CDC14C: variants seen among roughly 807,000 people sequenced by gnomAD.
CDC14C encodes dual specificity protein phosphatase CDC14C.
Under a neutral mutation model 26.9 loss-of-function variants are expected in CDC14C, and 19 were observed. The ratio of observed to expected loss-of-function variants is 0.71; its 90% CI spans 0.49 to 1.04. CDC14C has a LOEUF of 1.04. CDC14C is among the 50% of genes least tolerant of loss of function. CDC14C has a pLI of 0.00. For synonymous variants in CDC14C, 185 were observed against 180.1 expected (o/e 1.03, Z -0.22); for missense variants, 423 against 520.0 (o/e 0.81, Z 1.81).
In CDC14C at chr7:48,926,887, A is replaced by C. The variant is rs189560070; in HGVS notation, c.*871A>C. On this transcript the variant is annotated 3_prime_UTR_variant, in exon 1 of 1. Transcript: ENST00000650262. ...GTTGTAAATTTAGTCTCAGGTGTAA[A>C]TACCCAAGCCCTCTGGTACTCAGGG... Among the ~76,000 whole-genome samples the C allele has an allele frequency of 5.7e-3, 866 of 152,234 alleles. 8 individuals carry two copies. Among genetic ancestry groups the C allele is most frequent in the African/African-American group, 0.02 (828 of 41,518 alleles).
chr7:48,924,950 G>A lies in CDC14C; in HGVS notation c.278G>A (p.Gly93Asp), dbSNP rs1326740864. 5 of 1,472,230 alleles carry A rather than the reference G, an allele frequency of 3.4e-6. No individual in the cohort carries two copies. Among genetic ancestry groups the A allele is most frequent in the Non-Finnish European group, 4.8e-6 (5 of 1,050,738 alleles). 91.2% of individuals were successfully genotyped at this position (1,472,230 alleles called of 1,614,324 possible). A position where few individuals can be genotyped will look rare whatever the true frequency, so the allele number is the denominator to read the frequency against. The change falls in exon 1 of 1, where the codon GGC (glycine) becomes GAC (aspartate). Residue 93 changes from glycine to aspartate, a missense_variant. Physicochemically the swap from Gly to Asp is moderately conservative, Grantham distance 94 (BLOSUM62 -1). Around this residue, in one of 3 missense-constraint regions of CDC14C, gnomAD observed 310 missense variants for 356.8 expected, o/e 0.87. Transcript: ENST00000650262. ...MLRKKIVHFT[G>D]SDQRKQANAA... ...AGGAAGAAAATTGTTCATTTTACTGGCTCTGATCAGAGAAAACAAGCAAAT... is the reference window on the plus strand; with the variant it reads ...AGGAAGAAAATTGTTCATTTTACTGACTCTGATCAGAGAAAACAAGCAAAT...
In CDC14C at chr7:48,925,405, G is replaced by C; in HGVS notation, c.733G>C (p.Asp245His). 6.2e-7 allele frequency: 1 copy of C among 1,611,898 alleles called. No homozygotes were observed. The highest frequency in any genetic ancestry group is 8.5e-7 in the Non-Finnish European group (1 of 1,178,022). Residue 245 changes from aspartate (D) to histidine (H), a missense_variant, in exon 1 of 1, where the codon GAT becomes CAT. Asp to His is a moderately conservative substitution (Grantham distance 81). Around this residue, in one of 3 missense-constraint regions of CDC14C, gnomAD observed 310 missense variants for 356.8 expected, o/e 0.87. Transcript: ENST00000650262. ...GATGTATGATGCCAAACGCTTTACG[G>C]ATGCTGGCTTCGATCACCATGATCT... ...KRMYDAKRFT[D>H]AGFDHHDLFF...
chr7:48,925,296 T>C lies in CDC14C; in HGVS notation c.624T>C (p.Ser208=), dbSNP rs763012027. ...CTCATTCAAGAGCCAGACTTGAAAG[T>C]GGTTACCACCAACATTCTCCCGAGA... ...CGPHSRARLE[S]GYHQHSPETY... The change falls in exon 1 of 1, where the codon AGT becomes AGC. Residue 208 remains serine, a synonymous_variant. Coordinates refer to ENST00000650262, the MANE Select transcript of CDC14C (RefSeq NM_152627.3). 14 of 1,604,504 alleles carry C rather than the reference T, an allele frequency of 8.7e-6. No homozygotes were observed. In the South Asian group the frequency reaches 1.4e-4, roughly 16 times the overall value.
chr7:48,926,515 G>T lies in CDC14C; in HGVS notation c.*499G>T, dbSNP rs1481578920. On this transcript the variant is annotated 3_prime_UTR_variant, in exon 1 of 1. Coordinates refer to ENST00000650262, the MANE Select transcript of CDC14C (RefSeq NM_152627.3). ...AATTAACTAAAAGTATCCCTTATGGGAAACGAAGGGATGGGCCTAATTAAA... is the reference window on the plus strand; with the variant it reads ...AATTAACTAAAAGTATCCCTTATGGTAAACGAAGGGATGGGCCTAATTAAA... Among the ~76,000 whole-genome samples, 1 of 152,074 alleles carries T rather than the reference G, an allele frequency of 6.6e-6. No homozygotes were observed. The highest frequency in any genetic ancestry group is 1.5e-5 in the Non-Finnish European group (1 of 68,034).
At position 48,926,010 on chromosome 7, in the gene CDC14C, AT is replaced by A; in HGVS notation, c.1340del (p.Phe447SerfsTer33). ...GTGACTACATTCTTCCCATCCTGCT[AT>A]TCTGACTCAAAGATTTCAGAACATA... is the stretch of plus-strand genomic sequence containing the variant. The part of the protein sequence containing the change: ...VCDYILPILL[F>X] On this transcript the variant is annotated frameshift_variant, in exon 1 of 1. Transcript: ENST00000650262. LOFTEE classifies it high-confidence loss of function. 1 of 749,020 alleles carries A rather than the reference AT, an allele frequency of 1.3e-6. No individual in the cohort carries two copies. The highest frequency in any genetic ancestry group is 1.8e-5 in the Admixed American group (1 of 54,164). The allele number at this position is 749,020 out of a possible 1,614,324, so 46.4% of individuals were successfully genotyped here. A position where few individuals can be genotyped will look rare whatever the true frequency, so the allele number is the denominator to read the frequency against.
chr7:48,924,918 A>C lies in CDC14C; in HGVS notation c.246A>C (p.Thr82=). 1.4e-6 allele frequency: 2 copies of C among 1,427,112 alleles called. No individual in the cohort carries two copies. The highest frequency in any genetic ancestry group is 9.9e-7 in the Non-Finnish European group (1 of 1,009,198). The allele number at this position is 1,427,112 out of a possible 1,614,324, so 88.4% of individuals were successfully genotyped here. Residue 82 remains threonine, a synonymous_variant, in exon 1 of 1, where the codon ACA becomes ACC. Coordinates refer to ENST00000650262, the MANE Select transcript of CDC14C (RefSeq NM_152627.3). ...CKINKKLKSI[T]MLRKKIVHFT... ...TAAATAAGAAATTAAAGTCCATTAC[A>C]ATGTTAAGGAAGAAAATTGTTCATT...
Position 48,926,303 on chromosome 7 carries a change from C to G in CDC14C, c.*287C>G, listed in dbSNP as rs1477097105. 1.4e-5 allele frequency among the ~76,000 whole-genome samples: 2 copies of G among 143,830 alleles called. No homozygotes were observed. The highest frequency in any genetic ancestry group is 5.1e-5 in the African/African-American group (2 of 38,908). The allele number at this position is 143,830 out of a possible 152,430, so 94.4% of individuals were successfully genotyped here. A position where few individuals can be genotyped will look rare whatever the true frequency, so the allele number is the denominator to read the frequency against. The stretch of plus-strand genomic sequence containing the variant: ...TGGGTGCAAGCAAATGTACCAAGAC[C>G]AGCTCAGTCAGGGAGACCCTACCCC... On this transcript the variant is annotated 3_prime_UTR_variant, in exon 1 of 1. Transcript: ENST00000650262.
In CDC14C at chr7:48,924,547, G is replaced by C. The variant is rs1413214485; in HGVS notation, c.-126G>C. 11 of 627,676 alleles carry C rather than the reference G, an allele frequency of 1.8e-5. No homozygotes were observed. Among genetic ancestry groups the C allele is most frequent in the Middle Eastern group, 4.5e-4 (1 of 2,244 alleles). The allele number at this position is 627,676 out of a possible 1,614,324, so 38.9% of individuals were successfully genotyped here. ...CAGCCTTGGCGGCGCGCGCGGGGCC[G>C]TGGTCGTTGCTCCCTGACTGGCCGC... is the stretch of plus-strand genomic sequence containing the variant. On this transcript the variant is annotated 5_prime_UTR_variant, in exon 1 of 1. Transcript: ENST00000650262.
Position 48,924,844 on chromosome 7 carries a change from G to A in CDC14C, c.172G>A (p.Asp58Asn). Reference protein sequence around the residue: ...NELEYENFSEDFGPLNLAMVY... With the variant: ...NELEYENFSENFGPLNLAMVY... The stretch of plus-strand genomic sequence containing the variant: ...ACTCGAATATGAGAACTTCTCCGAA[G>A]ACTTTGGACCACTCAATCTGGCAAT... The change falls in exon 1 of 1, where the codon GAC (aspartate) becomes AAC (asparagine). Residue 58 changes from aspartate to asparagine, a missense_variant. By Grantham distance (23) the Asp-to-Asn change is conservative. Around this residue, in one of 3 missense-constraint regions of CDC14C, gnomAD observed 310 missense variants for 356.8 expected, o/e 0.87. Coordinates refer to ENST00000650262, the MANE Select transcript of CDC14C (RefSeq NM_152627.3). The A allele has an allele frequency of 7.2e-7, 1 of 1,379,370 alleles. No homozygotes were observed. The highest frequency in any genetic ancestry group is 1.0e-6 in the Non-Finnish European group (1 of 965,918). 85.4% of individuals were successfully genotyped at this position (1,379,370 alleles called of 1,614,324 possible).
rs1488084902 is a variant in CDC14C at position 48,926,557 on chromosome 7, G to A, written c.*541G>A. ...CTAATTAAAGGCATAGGTTGGGCTA[G>A]TTAACTGCGGCAGGAGCACGTCCTT... On this transcript the variant is annotated 3_prime_UTR_variant, in exon 1 of 1. Coordinates refer to ENST00000650262, the MANE Select transcript of CDC14C (RefSeq NM_152627.3). Among the ~76,000 whole-genome samples, 2 of 152,140 alleles carry A rather than the reference G, an allele frequency of 1.3e-5. No homozygotes were observed.
At position 48,925,911 on chromosome 7, in the gene CDC14C, C is replaced by T. The variant is rs762907355; in HGVS notation, c.1239C>T (p.Asn413=). ...ALKRRRQSKT[N]DILLPSPLAV... is the part of the protein sequence containing the mutation. Reference sequence around the variant, plus strand: ...AAAGGCGAAGACAATCAAAAACAAACGATATTCTTCTCCCATCTCCCCTGG... The same window carrying T: ...AAAGGCGAAGACAATCAAAAACAAATGATATTCTTCTCCCATCTCCCCTGG... Residue 413 remains asparagine (N), a synonymous_variant, in exon 1 of 1, where the codon AAC becomes AAT. Coordinates refer to ENST00000650262, the MANE Select transcript of CDC14C (RefSeq NM_152627.3). 5.6e-5 allele frequency: 44 copies of T among 788,134 alleles called. No homozygotes were observed. The highest frequency in any genetic ancestry group is 1.5e-4 in the African/African-American group (9 of 59,030). 48.8% of individuals were successfully genotyped at this position (788,134 alleles called of 1,614,324 possible).
chr7:48,926,506 C>A lies in CDC14C; in HGVS notation c.*490C>A, dbSNP rs1296268777. On this transcript the variant is annotated 3_prime_UTR_variant, in exon 1 of 1. Transcript: ENST00000650262. ...TAGATATTAAATTAACTAAAAGTAT[C>A]CCTTATGGGAAACGAAGGGATGGGC... Among the ~76,000 whole-genome samples, 2 of 152,020 alleles carry A rather than the reference C, an allele frequency of 1.3e-5. No homozygotes were observed. The highest frequency in any genetic ancestry group is 3.9e-4 in the East Asian group (2 of 5,162).
Position 48,925,317 on chromosome 7 carries a change from C to A in CDC14C, c.645C>A (p.Pro215=), listed in dbSNP as rs753105769. ...RLESGYHQHS[P]ETYIQYFKNH... ...AAAGTGGTTACCACCAACATTCTCC[C>A]GAGACTTATATTCAATATTTTAAGA... The change falls in exon 1 of 1, where the codon CCC becomes CCA. Residue 215 remains proline (P), a synonymous_variant. Transcript: ENST00000650262. The A allele has an allele frequency of 3.1e-6, 5 of 1,603,572 alleles. No individual in the cohort carries two copies. Among genetic ancestry groups the A allele is most frequent in the Non-Finnish European group, 4.3e-6 (5 of 1,170,396 alleles).
chr7:48,924,682 T>G lies in CDC14C; in HGVS notation c.10T>G (p.Ser4Ala). 2 of 1,146,198 alleles carry G rather than the reference T, an allele frequency of 1.7e-6. No homozygotes were observed. Among genetic ancestry groups the G allele is most frequent in the Non-Finnish European group, 2.7e-6 (2 of 753,832 alleles). The allele number at this position is 1,146,198 out of a possible 1,614,324, so 71.0% of individuals were successfully genotyped here. A position where few individuals can be genotyped will look rare whatever the true frequency, so the allele number is the denominator to read the frequency against. Residue 4 changes from serine to alanine, a missense_variant, in exon 1 of 1, where the codon TCC (serine) becomes GCC (alanine). Ser to Ala is a moderately conservative substitution (Grantham distance 99). This residue lies in a region of CDC14C where 310 missense variants were observed against 356.8 expected (regional missense o/e 0.87). Transcript: ENST00000650262. ...GCAGGGTGTGAAGAAGATGCGCAGC[T>G]CCACGCTGCAGGACCCGCGCCGCCG... MRSSTLQDPRRRDP... is the reference protein window; with the variant it reads MRSATLQDPRRRDP...
In CDC14C at chr7:48,925,910, A is replaced by G. The variant is rs568811867; in HGVS notation, c.1238A>G (p.Asn413Ser). ...ALKRRRQSKTNDILLPSPLAV... is the reference protein window; with the variant it reads ...ALKRRRQSKTSDILLPSPLAV... ...AAAAGGCGAAGACAATCAAAAACAAACGATATTCTTCTCCCATCTCCCCTG... is the reference window on the plus strand; with the variant it reads ...AAAAGGCGAAGACAATCAAAAACAAGCGATATTCTTCTCCCATCTCCCCTG... Residue 413 changes from asparagine (N) to serine (S), a missense_variant, in exon 1 of 1, where the codon AAC becomes AGC. Asn to Ser is a conservative substitution (Grantham distance 46). Transcript: ENST00000650262. 7 of 792,200 alleles carry G rather than the reference A, an allele frequency of 8.8e-6. No homozygotes were observed. In the East Asian group the frequency reaches 1.2e-4, roughly 14 times the overall value. 49.1% of individuals were successfully genotyped at this position (792,200 alleles called of 1,614,324 possible). A position where few individuals can be genotyped will look rare whatever the true frequency, so the allele number is the denominator to read the frequency against.
At position 48,926,683 on chromosome 7, in the gene CDC14C, G is replaced by A. The variant is rs1250859294; in HGVS notation, c.*667G>A. ...GCCAGGTGTTCCTTGCCCTCATTCC[G>A]GTAAACCCACACCCTTCCAGCGTGG... On this transcript the variant is annotated 3_prime_UTR_variant, in exon 1 of 1. Transcript: ENST00000650262. 6.6e-6 allele frequency among the ~76,000 whole-genome samples: 1 copy of A among 151,872 alleles called. No homozygotes were observed. Among genetic ancestry groups the A allele is most frequent in the African/African-American group, 2.4e-5 (1 of 41,316 alleles).
chr7:48,926,930 T>G lies in CDC14C; in HGVS notation c.*914T>G, dbSNP rs1188453173. Among the ~76,000 whole-genome samples the G allele has an allele frequency of 2.6e-5, 4 of 152,310 alleles. No homozygotes were observed. The East Asian group carries it at 5.8e-4, about 22-fold the overall frequency. ...ACTCAGGGAGCTGGCTGGTCTGTGG[T>G]GCATGTGTGTCCTTGTGATGGCAAG... is the stretch of plus-strand genomic sequence containing the variant. On this transcript the variant is annotated 3_prime_UTR_variant, in exon 1 of 1. Transcript: ENST00000650262.
In CDC14C at chr7:48,927,414, T is replaced by C. The variant is rs1798909111; in HGVS notation, c.*1398T>C. Among the ~76,000 whole-genome samples the C allele has an allele frequency of 2.6e-5, 4 of 152,306 alleles. No individual in the cohort carries two copies. Among genetic ancestry groups the C allele is most frequent in the African/African-American group, 9.6e-5 (4 of 41,568 alleles). ...AACTGGGAGGTTGCCCATTGTTTGG[T>C]TGCCAGTCATACAAATTAAAATCAT... is the stretch of plus-strand genomic sequence containing the variant. On this transcript the variant is annotated 3_prime_UTR_variant, in exon 1 of 1. Coordinates refer to ENST00000650262, the MANE Select transcript of CDC14C (RefSeq NM_152627.3).
Position 48,925,495 on chromosome 7 carries a change from A to C in CDC14C, c.823A>C (p.Asn275His), listed in dbSNP as rs1368545991. The C allele has an allele frequency of 1.9e-6, 3 of 1,600,858 alleles. No homozygotes were observed. Among genetic ancestry groups the C allele is most frequent in the Non-Finnish European group, 2.6e-6 (3 of 1,168,734 alleles). ...CAAAAGATTTCTGGATATCTGTGAAAATGCTGAGGGTGCCATTGCAGTACA... is the reference window on the plus strand; with the variant it reads ...CAAAAGATTTCTGGATATCTGTGAACATGCTGAGGGTGCCATTGCAGTACA... ...IVKRFLDICE[N>H]AEGAIAVHCK... The change falls in exon 1 of 1, where the codon AAT becomes CAT. Residue 275 changes from asparagine (N) to histidine (H), a missense_variant. Around this residue, in one of 3 missense-constraint regions of CDC14C, gnomAD observed 22 missense variants for 69.1 expected, o/e 0.32. Coordinates refer to ENST00000650262, the MANE Select transcript of CDC14C (RefSeq NM_152627.3).
Sources: allele counts gnomAD v4.1 joint callset (sites outside exome capture counted in the v4.1 genomes callset), GRCh38; gene constraint gnomAD v4.1.1; regional missense constraint gnomAD v4.1.1; transcripts MANE v1.5; gene names NCBI Gene and HGNC (gene_info 2026-07-23, HGNC 2026-07-21).